The following CNKSR2 variants were observed in gnomAD, a reference collection of about 807,000 sequenced individuals.
CNKSR2 encodes CNK homolog protein 2.
A neutral mutation model predicts 84.4 loss-of-function variants in CNKSR2; 14 were observed. The observed-to-expected ratio is 0.17, with a 90% CI of 0.11 to 0.26. CNKSR2 has a LOEUF of 0.26. Ranked by LOEUF, CNKSR2 falls within the 10% of genes least tolerant of loss-of-function variation. The pLI is 1.00. For synonymous variants in CNKSR2, 275 were observed against 277.9 expected (o/e 0.99, Z 0.10); for missense variants, 485 against 771.2 (o/e 0.63, Z 4.40).
intron 13 of CNKSR2, among the ~76,000 whole-genome samples, chrX:21,578,481 A>G (rs2092333358): frequency 9.1e-6 from 1 of 110,198 alleles, no homozygotes; most frequent in African/African-American, 3.3e-5. Context: ...TAAATCAGCT[A>G]TAAAAAGCTA....
At chrX:21,571,081 C>T (rs1405740330) in intron 13 of CNKSR2, among the ~76,000 whole-genome samples, 1 of 112,124 alleles carries the variant, frequency 8.9e-6, no homozygotes, top group Admixed American at 9.4e-5. Flanking sequence ...CTTCTCCTCT[C>T]TAGCTATGAA....
At chrX:21,481,687 T>C (rs2091321049) in intron 5 of CNKSR2, among the ~76,000 whole-genome samples, 1 of 111,857 alleles carries the variant, frequency 8.9e-6, no homozygotes. Flanking sequence ...ATGTGAGCCC[T>C]TTAAAACAAG....
At chrX:21,600,946 C>G (rs892762093) in intron 17 of CNKSR2, among the ~76,000 whole-genome samples, 6 of 112,202 alleles carry the variant, frequency 5.3e-5, no homozygotes, top group Non-Finnish European at 9.4e-5. Flanking sequence ...AGCATTTGCT[C>G]TGAAGAAACA....
chrX:21,441,581 G>C (rs1417982311), intron 4 of CNKSR2, among the ~76,000 whole-genome samples: 1 of 111,708 alleles, frequency 9.0e-6, no homozygotes, highest in East Asian at 2.8e-4. Flanking sequence ...AAGGAACACA[G>C]CTTAGACAAA....
At chrX:21,447,083 T>G (rs1020547811) in intron 4 of CNKSR2, among the ~76,000 whole-genome samples, 1 of 111,584 alleles carries the variant, frequency 9.0e-6, no homozygotes, top group Non-Finnish European at 1.9e-5. Flanking sequence ...ATGCTTGTCT[T>G]TGAGCTTGTA....
rs759762588 is a variant in CNKSR2, at chrX:21,415,867, CACACAT to C, written c.65-10628_65-10623del. On this transcript the variant is annotated intron_variant, in intron 1 of 21. Coordinates refer to ENST00000379510, the MANE Select transcript of CNKSR2 (RefSeq NM_014927.5). Reference sequence around the variant, plus strand: ...ACACACACACACACACACACACACACACACATATATATATATATATGAAGAATAATT... The same window carrying C: ...ACACACACACACACACACACACACACATATATATATATATGAAGAATAATT... Among the ~76,000 whole-genome samples, 369 of 95,250 alleles carry C rather than the reference CACACAT, an allele frequency of 3.9e-3. 1 individual carries two copies. Among genetic ancestry groups the C allele is most frequent in the African/African-American group, 0.012 (290 of 24,428 alleles). The allele number at this position is 95,250 out of a possible 115,157, so 82.7% of individuals were successfully genotyped here.
chrX:21,432,925 T>A, intron 3 of CNKSR2, 111 bp downstream of exon 3: 1 of 727,234 alleles, frequency 1.4e-6, no homozygotes, highest in Non-Finnish European at 2.1e-6. Context: ...GAGTACCAAG[T>A]AATAAATGTC....
At chrX:21,594,692 A>G (rs2092441543) in intron 15 of CNKSR2, 1 of 189,749 alleles carries the variant, frequency 5.3e-6, no homozygotes, top group Non-Finnish European at 9.8e-6. Context: ...GTTATAAAAC[A>G]CATTCCACTT....
chrX:21,544,763 G>A (rs1003356396), intron 11 of CNKSR2, among the ~76,000 whole-genome samples: 29 of 111,014 alleles, frequency 2.6e-4, no homozygotes, highest in Non-Finnish European at 4.2e-4. Context: ...GTGGGGCGTC[G>A]CCTCACCCTG....
intron 11 of CNKSR2, among the ~76,000 whole-genome samples, chrX:21,550,820 G>C (rs896907233): frequency 1.8e-5 from 2 of 110,684 alleles, no homozygotes; most frequent in Admixed American, 9.6e-5. Context: ...TGGATTGCTT[G>C]AGCTCAGGAG....
intron 1 of CNKSR2, among the ~76,000 whole-genome samples, chrX:21,376,455 G>T (rs1246211139): frequency 8.9e-6 from 1 of 111,853 alleles, no homozygotes; most frequent in African/African-American, 3.3e-5. Context: ...CTGCACCCCT[G>T]TGTGCAGTGC....
intron 9 of CNKSR2, among the ~76,000 whole-genome samples, chrX:21,525,519 A>G (rs980155147): frequency 7.3e-5 from 8 of 110,175 alleles, no homozygotes; most frequent in Admixed American, 6.8e-4. Flanking sequence ...ACTACATTAG[A>G]ATTTAACTGT....
Position 21,440,707 on chromosome X carries a change from G to T in CNKSR2, c.445G>T (p.Ala149Ser). 8.4e-7 allele frequency: 1 copy of T among 1,185,073 alleles called. No homozygotes were observed. The highest frequency in any genetic ancestry group is 1.8e-5 in the African/African-American group (1 of 56,804). ...LAWLDRSPFA[A>S]VTDYSVTRNN... is the part of the protein sequence containing the mutation. The stretch of plus-strand genomic sequence containing the variant: ...TTCCCTTTATAGGTCACCATTTGCT[G>T]CTGTGACAGACTATTCAGTTACAAG... The change falls in exon 4 of 22, where the codon GCT (alanine) becomes TCT (serine). Residue 149 changes from alanine (A) to serine (S), a missense_variant. Ala to Ser is a moderately conservative substitution (Grantham distance 99). Around this residue, in one of 5 missense-constraint regions of CNKSR2, gnomAD observed 109 missense variants for 197.5 expected, o/e 0.55. Coordinates refer to ENST00000379510, the MANE Select transcript of CNKSR2 (RefSeq NM_014927.5).
At chrX:21,512,642 G>A (rs1213043417) in intron 8 of CNKSR2, among the ~76,000 whole-genome samples, 1 of 111,491 alleles carries the variant, frequency 9.0e-6, no homozygotes, top group Admixed American at 9.6e-5. Flanking sequence ...AAGGCAGTGA[G>A]AAGAGGCATT....
rs779151424 is a variant in CNKSR2 at position 21,609,542 on chromosome X, C to A, written c.2617C>A (p.Pro873Thr). The part of the protein sequence containing the change: ...SACDPQDDVQ[P>T]PEVEEEEEEE... The stretch of plus-strand genomic sequence containing the variant: ...CTGTGACCCACAGGATGACGTGCAA[C>A]CCCCAGAGGTGGAGGAAGAGGAGGA... Residue 873 changes from proline (P) to threonine (T), a missense_variant, in exon 20 of 22, where the codon CCC becomes ACC. Coordinates refer to ENST00000379510, the MANE Select transcript of CNKSR2 (RefSeq NM_014927.5). 7.5e-6 allele frequency: 9 copies of A among 1,207,997 alleles called. No homozygotes were observed. The African/African-American group carries it at 1.2e-4, about 17-fold the overall frequency.
At chrX:21,466,525 C>A in intron 4 of CNKSR2, among the ~76,000 whole-genome samples, 1 of 111,629 alleles carries the variant, frequency 9.0e-6, no homozygotes, top group Non-Finnish European at 1.9e-5. Flanking sequence ...CATTTAGTTT[C>A]TATTCTTCTC....
intron 8 of CNKSR2, chrX:21,504,550 TCTTTA>T (rs2091593206): frequency 9.4e-6 from 2 of 213,892 alleles, no homozygotes; most frequent in African/African-American, 5.8e-5. Flanking sequence ...CTGATATTTT[TCTTTA>T]CTTAAGATAA....
rs149992915 is a variant in CNKSR2, at chrX:21,490,616, A to G, written c.681+38A>G. On this transcript the variant is annotated intron_variant, in intron 6 of 21. Coordinates refer to ENST00000379510, the MANE Select transcript of CNKSR2 (RefSeq NM_014927.5). ...ATGTTTATCAAAACCACCATCCATC[A>G]GTAGAGAGCTAATGATGTGGACAAA... The G allele has an allele frequency of 8.1e-4, 956 of 1,177,927 alleles. 7 individuals carry two copies. The East Asian group carries it at 0.027, about 34-fold the overall frequency.
intron 20 of CNKSR2, among the ~76,000 whole-genome samples, chrX:21,632,353 C>T (rs1223788697): frequency 1.8e-5 from 2 of 111,704 alleles, no homozygotes; most frequent in African/African-American, 6.5e-5. Context: ...TGAAACCATT[C>T]CTCATATGGC....
Sources: gnomAD v4.1 joint callset for allele counts (sites outside exome capture counted in the v4.1 genomes callset) on GRCh38, gnomAD v4.1.1 for gene constraint, gnomAD v4.1.1 regional missense constraint, MANE v1.5 for transcripts, NCBI Gene and HGNC (gene_info 2026-07-23, HGNC 2026-07-21) for gene names.